Variants in ADAMTSL3 observed in about 807,000 individuals in gnomAD.
The protein encoded by ADAMTSL3 is ADAMTS like 3.
ADAMTSL3 carries 128 observed loss-of-function variants against 201.7 expected under a neutral mutation model. The ratio of observed to expected loss-of-function variants is 0.63; its 90% confidence interval spans 0.55 to 0.73. The LOEUF (loss-of-function observed/expected upper bound fraction) is 0.73, where lower values mean the gene tolerates loss of function less well. Ranked by LOEUF, ADAMTSL3 falls within the 30% of genes least tolerant of loss-of-function variation. The pLI is 0.00. For synonymous variants in ADAMTSL3, 738 were observed against 748.4 expected (o/e 0.99, Z 0.23); for missense variants, 1,990 against 2,119.6 (o/e 0.94, Z 1.20).
chr15:83,835,166 A>G (rs935572642), intron 6 of ADAMTSL3, among the ~76,000 whole-genome samples: 2 of 150,238 alleles, frequency 1.3e-5, no homozygotes, highest in African/African-American at 2.5e-5. Flanking sequence ...CCCAGGAGGC[A>G]GAGCTTGCAG....
chr15:83,860,870 T>C (rs2064840409), intron 8 of ADAMTSL3, among the ~76,000 whole-genome samples: 2 of 152,170 alleles, frequency 1.3e-5, no homozygotes, highest in South Asian at 4.1e-4. Context: ...GGGCAAGGCA[T>C]CGCGTCACCC....
chr15:83,815,083 A>G lies in ADAMTSL3; in HGVS notation c.364-4728A>G, dbSNP rs562321763. 2.0e-5 allele frequency among the ~76,000 whole-genome samples: 3 copies of G among 151,842 alleles called. No homozygotes were observed. The South Asian group carries it at 6.3e-4, about 32-fold the overall frequency. On this transcript the variant is annotated intron_variant, in intron 5 of 29. Coordinates refer to ENST00000286744, the MANE Select transcript of ADAMTSL3 (RefSeq NM_207517.3). ...TTTCTCTTCCCTTCTCCTCCTCTCC[A>G]TCCTCTTCTCTTCCTCCTATCCTTC... is the stretch of plus-strand genomic sequence containing the variant.
intron 4 of ADAMTSL3, among the ~76,000 whole-genome samples, chr15:83,781,629 T>C (rs2063170143): frequency 6.6e-6 from 1 of 152,200 alleles, no homozygotes. Context: ...AGTAAGTTTC[T>C]GCATAGCAAA....
chr15:83,863,144 G>A (rs2064902070), intron 8 of ADAMTSL3, among the ~76,000 whole-genome samples: 1 of 152,116 alleles, frequency 6.6e-6, no homozygotes, highest in African/African-American at 2.4e-5. Flanking sequence ...CCTACAAAGA[G>A]ACTTAGACTC....
chr15:83,796,833 G>C lies in ADAMTSL3; in HGVS notation c.318-7817G>C, dbSNP rs185057609. Among the ~76,000 whole-genome samples, 99 of 152,170 alleles carry C rather than the reference G, an allele frequency of 6.5e-4. 1 individual carries two copies. In the Middle Eastern group the frequency reaches 0.037, roughly 58 times the overall value. ...GAAAGAGGGATAGTCAATACATGGT[G>C]CTCAGATATGATTATCGATAGTCAG... is the stretch of plus-strand genomic sequence containing the variant. On this transcript the variant is annotated intron_variant, in intron 4 of 29. Transcript: ENST00000286744.
At chr15:83,695,166 A>ATGTTTGTGGTGTGTG (rs2061664506) in intron 2 of ADAMTSL3, among the ~76,000 whole-genome samples, 1 of 15,976 alleles carries the variant, frequency 6.3e-5, no homozygotes, top group African/African-American at 2.5e-4. Context: ...GTGTGTATGT[A>ATGTTTGTGGTGTGTG]TGTAGCATGT....
intron 22 of ADAMTSL3, among the ~76,000 whole-genome samples, chr15:83,989,580 T>C (rs909503168): frequency 6.6e-6 from 1 of 152,210 alleles, no homozygotes; most frequent in Non-Finnish European, 1.5e-5. Context: ...CTCCAGGAAG[T>C]TGTAACTATA....
At position 83,673,365 on chromosome 15, in the gene ADAMTSL3, G is replaced by A. The variant is rs778078150; in HGVS notation, c.69+17535G>A. Among the ~76,000 whole-genome samples the A allele has an allele frequency of 4.9e-4, 74 of 152,324 alleles. 2 individuals are homozygous for A. The highest frequency in any genetic ancestry group is 9.8e-4 in the Non-Finnish European group (67 of 68,024). ...CACATACATAATTGTACGACACAGAGCAAGATAGATAATGTACTGATTGCT... is the reference window on the plus strand; with the variant it reads ...CACATACATAATTGTACGACACAGAACAAGATAGATAATGTACTGATTGCT... On this transcript the variant is annotated intron_variant, in intron 2 of 29. Transcript: ENST00000286744.
At chr15:83,770,437 A>G (rs2062962167) in intron 3 of ADAMTSL3, among the ~76,000 whole-genome samples, 1 of 152,198 alleles carries the variant, frequency 6.6e-6, no homozygotes, top group Non-Finnish European at 1.5e-5. Context: ...TTTCCAGCCT[A>G]TATACCTCCA....
intron 6 of ADAMTSL3, among the ~76,000 whole-genome samples, chr15:83,822,051 T>C (rs1382885482): frequency 2.8e-4 from 36 of 126,410 alleles, no homozygotes; most frequent in African/African-American, 1.1e-3. Context: ...GCAGAGGGGC[T>C]CCTCACTTCC....
chr15:83,850,031 T>C (rs2064577842), intron 7 of ADAMTSL3, among the ~76,000 whole-genome samples: 1 of 152,128 alleles, frequency 6.6e-6, no homozygotes, highest in South Asian at 2.1e-4. Context: ...TGAGGAAATA[T>C]ACCTTCTTTT....
intron 3 of ADAMTSL3, among the ~76,000 whole-genome samples, chr15:83,727,246 C>A (rs906450820): frequency 1.3e-5 from 2 of 151,732 alleles, no homozygotes; most frequent in Admixed American, 1.3e-4. Flanking sequence ...ATAATGTCTC[C>A]TTTTTCATCT....
intron 2 of ADAMTSL3, among the ~76,000 whole-genome samples, chr15:83,656,441 A>G (rs952810388): frequency 1.3e-5 from 2 of 152,252 alleles, no homozygotes; most frequent in African/African-American, 4.8e-5. Context: ...TGCTCCATCT[A>G]TTAAGAGCAG....
chr15:83,838,786 CT>C (rs1436654768), intron 7 of ADAMTSL3, among the ~76,000 whole-genome samples: 39 of 152,140 alleles, frequency 2.6e-4, no homozygotes, highest in Non-Finnish European at 1.3e-4. Context: ...AAATTTCCAT[CT>C]TTTCATTTTA....
In ADAMTSL3 at chr15:83,704,371, A is replaced by T. The variant is rs373418868; in HGVS notation, c.70-18A>T. Reference sequence around the variant, plus strand: ...CTTACTGGAGCCTTATTTGTGACCAAATGATCTTGTTTTTCAGACCACAGC... The same window carrying T: ...CTTACTGGAGCCTTATTTGTGACCATATGATCTTGTTTTTCAGACCACAGC... On this transcript the variant is annotated intron_variant, in intron 2 of 29. Coordinates refer to ENST00000286744, the MANE Select transcript of ADAMTSL3 (RefSeq NM_207517.3). 1 of 1,614,040 alleles carries T rather than the reference A, an allele frequency of 6.2e-7. No individual in the cohort carries two copies. The highest frequency in any genetic ancestry group is 8.5e-7 in the Non-Finnish European group (1 of 1,179,990).
At chr15:83,866,533 C>G (rs2064981887) in intron 8 of ADAMTSL3, among the ~76,000 whole-genome samples, 2 of 151,974 alleles carry the variant, frequency 1.3e-5, no homozygotes, top group South Asian at 4.2e-4. Flanking sequence ...ACTGTGTGTT[C>G]TCACTCATAG....
chr15:83,942,663 TA>T lies in ADAMTSL3; in HGVS notation c.2186del (p.Tyr729SerfsTer62). ...AGTTGGAATTCAGACCCGAGATGTG[TA>T]CTGCCTGCACCCAGGGGAGACCCCT... The part of the protein sequence containing the change: ...CGVGIQTRDV[Y>X]CLHPGETPAP... On this transcript the variant is annotated frameshift_variant, in exon 18 of 30. Transcript: ENST00000286744. LOFTEE classifies it high-confidence loss of function. The T allele has an allele frequency of 6.2e-7, 1 of 1,614,138 alleles. No homozygotes were observed. The highest frequency in any genetic ancestry group is 8.5e-7 in the Non-Finnish European group (1 of 1,179,994).
At chr15:83,875,578 A>T (rs1186460227) in intron 9 of ADAMTSL3, among the ~76,000 whole-genome samples, 1 of 152,126 alleles carries the variant, frequency 6.6e-6, no homozygotes, top group African/African-American at 2.4e-5. Context: ...AGATCAGGAG[A>T]TCAAGACCAT....
At chr15:83,927,415 A>T (rs1045744947) in intron 17 of ADAMTSL3, among the ~76,000 whole-genome samples, 1 of 152,116 alleles carries the variant, frequency 6.6e-6, no homozygotes. Flanking sequence ...CACCTGGCCC[A>T]TGAATCCTTT....
Sources: allele counts gnomAD v4.1 joint callset (sites outside exome capture counted in the v4.1 genomes callset), GRCh38; gene constraint gnomAD v4.1.1; transcripts MANE v1.5; gene names NCBI Gene and HGNC (gene_info 2026-07-23, HGNC 2026-07-21).